Variants in CAV3 observed in about 807,000 individuals in gnomAD.
CAV3 encodes the protein caveolin 3.
Under a neutral mutation model 13.4 loss-of-function variants are expected in CAV3, and 10 were observed. The observed-to-expected ratio is 0.75, with a 90% CI of 0.46 to 1.27. CAV3 has a LOEUF of 1.27. Ranked by LOEUF, CAV3 falls within the 50% of genes most tolerant of loss-of-function variation. CAV3 has a pLI of 0.00. For missense variants in CAV3, 162 were observed against 194.0 expected (o/e 0.83, Z 0.98); for synonymous variants, 90 against 79.0 (o/e 1.14, Z -0.74).
At position 8,745,784 on chromosome 3, in the gene CAV3, A is replaced by G; in HGVS notation, c.373A>G (p.Ile125Val). Residue 125 changes from isoleucine (I) to valine (V), a missense_variant, in exon 2 of 2, where the codon ATC (isoleucine) becomes GTC (valine). Coordinates refer to ENST00000343849, the MANE Select transcript of CAV3 (RefSeq NM_033337.3). The surrounding 1 kb of genome is among the most constrained non-coding windows in gnomAD (Gnocchi z 4.8). ...QCISHIYSLC[I>V]RTFCNPLFAA... The stretch of plus-strand genomic sequence containing the variant: ...CATCAGCCACATCTACTCACTCTGC[A>G]TCCGCACCTTCTGCAACCCACTCTT... The G allele has an allele frequency of 6.2e-7, 1 of 1,614,058 alleles. No individual in the cohort carries two copies. The highest frequency in any genetic ancestry group is 1.1e-5 in the South Asian group (1 of 91,082).
chr3:8,741,855 C>T lies in CAV3; in HGVS notation c.115-3671C>T, dbSNP rs576681406. Among the ~76,000 whole-genome samples, 10 of 152,214 alleles carry T rather than the reference C, an allele frequency of 6.6e-5. No individual in the cohort carries two copies. In the East Asian group the frequency reaches 1.5e-3, roughly 24 times the overall value. Reference sequence around the variant, plus strand: ...GCCCTCTCAGAGACTGCGGGGACTGCGCTGGCTGGTTTCAATTAATCAACT... The same window carrying T: ...GCCCTCTCAGAGACTGCGGGGACTGTGCTGGCTGGTTTCAATTAATCAACT... On this transcript the variant is annotated intron_variant, in intron 1 of 1. Coordinates refer to ENST00000343849, the MANE Select transcript of CAV3 (RefSeq NM_033337.3).
rs773309037 is a variant in CAV3 at position 8,745,811 on chromosome 3, G to T, written c.400G>T (p.Ala134Ser). The change falls in exon 2 of 2, where the codon GCG becomes TCG. Residue 134 changes from alanine (A) to serine (S), a missense_variant. By Grantham distance (99) the Ala-to-Ser change is moderately conservative. Transcript: ENST00000343849. This position sits in a 1 kb window ranked among gnomAD's most constrained non-coding sequence, Gnocchi z 4.8. ...CIRTFCNPLFAALGQVCSSIK... is the reference protein window; with the variant it reads ...CIRTFCNPLFSALGQVCSSIK... ...CCGCACCTTCTGCAACCCACTCTTC[G>T]CGGCCCTGGGCCAGGTCTGCAGCAG... 4.3e-6 allele frequency: 7 copies of T among 1,613,784 alleles called. No homozygotes were observed. Among genetic ancestry groups the T allele is most frequent in the Non-Finnish European group, 5.9e-6 (7 of 1,180,038 alleles).
At position 8,745,554 on chromosome 3, in the gene CAV3, C is replaced by G. The variant is rs1060502317; in HGVS notation, c.143C>G (p.Pro48Arg). 4.3e-6 allele frequency: 7 copies of G among 1,614,030 alleles called. No individual in the cohort carries two copies. Among genetic ancestry groups the G allele is most frequent in the Non-Finnish European group, 5.9e-6 (7 of 1,180,032 alleles). Residue 48 changes from proline (P) to arginine (R), a missense_variant, in exon 2 of 2, where the codon CCT becomes CGT. Coordinates refer to ENST00000343849, the MANE Select transcript of CAV3 (RefSeq NM_033337.3). The surrounding 1 kb of genome is among the most constrained non-coding windows in gnomAD (Gnocchi z 4.8). ...GATTTTGAAGACGTGATCGCAGAGC[C>G]TGTGGGCACCTACAGCTTTGACGGC... is the stretch of plus-strand genomic sequence containing the variant. ...KVDFEDVIAE[P>R]VGTYSFDGVW... is the part of the protein sequence containing the mutation.
chr3:8,740,979 A>G (rs1707938465), intron 1 of CAV3, among the ~76,000 whole-genome samples: 1 of 152,250 alleles, frequency 6.6e-6, no homozygotes, highest in Non-Finnish European at 1.5e-5. Context: ...CATGGCCCCA[A>G]ACTGACATGC....
At position 8,745,855 on chromosome 3, in the gene CAV3, G is replaced by A. The variant is rs376749605; in HGVS notation, c.444G>A (p.Arg148=). 1.1e-5 allele frequency: 18 copies of A among 1,611,828 alleles called. No homozygotes were observed. In the African/African-American group the frequency reaches 2.4e-4, roughly 22 times the overall value. ...QVCSSIKVVL[R]KEV ...GCAGCAGCATCAAGGTGGTGCTGCG[G>A]AAGGAGGTCTAAAGCCAGGTGGGGC... is the stretch of plus-strand genomic sequence containing the variant. The change falls in exon 2 of 2, where the codon CGG becomes CGA. Residue 148 remains arginine (R), a synonymous_variant. Coordinates refer to ENST00000343849, the MANE Select transcript of CAV3 (RefSeq NM_033337.3). This position sits in a 1 kb window ranked among gnomAD's most constrained non-coding sequence, Gnocchi z 4.8.
At chr3:8,737,145 C>A (rs971024910) in intron 1 of CAV3, among the ~76,000 whole-genome samples, 39 of 152,232 alleles carry the variant, frequency 2.6e-4, no homozygotes, top group African/African-American at 8.9e-4. Context: ...AGAAACTGGA[C>A]AGAGACTGAG....
At chr3:8,739,424 G>A (rs1376956581) in intron 1 of CAV3, among the ~76,000 whole-genome samples, 1 of 151,152 alleles carries the variant, frequency 6.6e-6, no homozygotes, top group African/African-American at 2.4e-5. Context: ...ACCTGACCAG[G>A]CCAACATGAT....
chr3:8,739,881 C>T (rs1022144208), intron 1 of CAV3, among the ~76,000 whole-genome samples: 2 of 152,294 alleles, frequency 1.3e-5, no homozygotes. Context: ...GGGGGCCTCT[C>T]ATGCAGCTAC....
At position 8,745,109 on chromosome 3, in the gene CAV3, G is replaced by C. The variant is rs540926753; in HGVS notation, c.115-417G>C. 4 of 200,082 alleles carry C rather than the reference G, an allele frequency of 2.0e-5. No individual in the cohort carries two copies. Among genetic ancestry groups the C allele is most frequent in the African/African-American group, 9.3e-5 (4 of 43,222 alleles). 12.4% of individuals were successfully genotyped at this position (200,082 alleles called of 1,614,324 possible). On this transcript the variant is annotated intron_variant, in intron 1 of 1. Coordinates refer to ENST00000343849, the MANE Select transcript of CAV3 (RefSeq NM_033337.3). This position sits in a 1 kb window ranked among gnomAD's most constrained non-coding sequence, Gnocchi z 4.8. ...AGAGGCAGATCCCTCGTGGCTTAGT[G>C]CTGTCCTCACAATAGTGGGAGAGTT... is the stretch of plus-strand genomic sequence containing the variant.
In CAV3 at chr3:8,745,684, G is replaced by A. The variant is rs368976665; in HGVS notation, c.273G>A (p.Leu91=). The change falls in exon 2 of 2, where the codon CTG becomes CTA. Residue 91 remains leucine, a synonymous_variant. Coordinates refer to ENST00000343849, the MANE Select transcript of CAV3 (RefSeq NM_033337.3). This position sits in a 1 kb window ranked among gnomAD's most constrained non-coding sequence, Gnocchi z 4.8. ...GVPLALLWGF[L]FACISFCHIW... The stretch of plus-strand genomic sequence containing the variant: ...CACTGGCCCTGCTCTGGGGCTTCCT[G>A]TTCGCCTGCATCTCCTTCTGCCACA... 22 of 1,614,056 alleles carry A rather than the reference G, an allele frequency of 1.4e-5. No homozygotes were observed. The highest frequency in any genetic ancestry group is 1.8e-5 in the Non-Finnish European group (21 of 1,180,046).
At position 8,745,642 on chromosome 3, in the gene CAV3, C is replaced by G. The variant is rs1256028341; in HGVS notation, c.231C>G (p.Ser77=). 6.2e-7 allele frequency: 1 copy of G among 1,614,094 alleles called. No individual in the cohort carries two copies. The highest frequency in any genetic ancestry group is 1.3e-5 in the African/African-American group (1 of 75,042). The change falls in exon 2 of 2, where the codon TCC becomes TCG. Residue 77 remains serine (S), a synonymous_variant. Coordinates refer to ENST00000343849, the MANE Select transcript of CAV3 (RefSeq NM_033337.3). This position sits in a 1 kb window ranked among gnomAD's most constrained non-coding sequence, Gnocchi z 4.8. ...AGTACTGGTGCTACCGTCTGTTGTC[C>G]ACGCTGCTGGGCGTCCCACTGGCCC... is the stretch of plus-strand genomic sequence containing the variant. ...VSKYWCYRLL[S]TLLGVPLALL...
intron 1 of CAV3, among the ~76,000 whole-genome samples, chr3:8,734,330 G>C (rs190785579): frequency 3.9e-5 from 6 of 152,288 alleles, no homozygotes; most frequent in South Asian, 4.1e-4. Flanking sequence ...GAACAGGAAC[G>C]GGCGGCCAAG....
intron 1 of CAV3, among the ~76,000 whole-genome samples, chr3:8,740,550 G>C (rs560295095): frequency 6.6e-6 from 1 of 152,320 alleles, no homozygotes; most frequent in African/African-American, 2.4e-5. Flanking sequence ...TCTTCTGGCA[G>C]GTTCTTCTCT....
chr3:8,735,817 C>T (rs192984409), intron 1 of CAV3, among the ~76,000 whole-genome samples: 1 of 152,316 alleles, frequency 6.6e-6, no homozygotes, highest in East Asian at 1.9e-4. Context: ...GTGAATGCCT[C>T]ACTCAGCCTT....
intron 1 of CAV3, among the ~76,000 whole-genome samples, chr3:8,734,681 C>T (rs866310991): frequency 3.0e-4 from 45 of 152,274 alleles, no homozygotes; most frequent in African/African-American, 1.0e-3. Flanking sequence ...GCCTCCAGGC[C>T]CACACCTTCA....
chr3:8,741,646 C>A (rs1353075194), intron 1 of CAV3, among the ~76,000 whole-genome samples: 2 of 152,164 alleles, frequency 1.3e-5, no homozygotes, highest in African/African-American at 4.8e-5. Flanking sequence ...GGACCATATA[C>A]CTCCCCACCC....
chr3:8,745,496 AG>A lies in CAV3; in HGVS notation c.115-29del, dbSNP rs1230332554. 1 of 1,546,264 alleles carries A rather than the reference AG, an allele frequency of 6.5e-7. No homozygotes were observed. The highest frequency in any genetic ancestry group is 1.7e-4 in the Middle Eastern group (1 of 5,932). ...GCTTGAGAAGCGGGTGGCTTCTGTG[AG>A]TTGAGGCTTCCCCTTGCCACCCCTG... On this transcript the variant is annotated intron_variant, in intron 1 of 1. Coordinates refer to ENST00000343849, the MANE Select transcript of CAV3 (RefSeq NM_033337.3). This position sits in a 1 kb window ranked among gnomAD's most constrained non-coding sequence, Gnocchi z 4.8.
chr3:8,737,994 TTC>T (rs1034560891), intron 1 of CAV3, among the ~76,000 whole-genome samples: 2 of 151,606 alleles, frequency 1.3e-5, no homozygotes, highest in Non-Finnish European at 2.9e-5. Flanking sequence ...CTGCTCTCTC[TTC>T]TCTCTCTCTC....
At chr3:8,737,484 C>T (rs972243710) in intron 1 of CAV3, among the ~76,000 whole-genome samples, 11 of 152,196 alleles carry the variant, frequency 7.2e-5, no homozygotes, top group Middle Eastern at 3.4e-3. Flanking sequence ...CCCTTTTTGG[C>T]CCTGCCTTTA....
Sources: allele counts gnomAD v4.1 joint callset (sites outside exome capture counted in the v4.1 genomes callset), GRCh38; gene constraint gnomAD v4.1.1; non-coding constraint Gnocchi (gnomAD v3.1); transcripts MANE v1.5; gene names NCBI Gene and HGNC (gene_info 2026-07-23, HGNC 2026-07-21).